Variants in XAF1 observed in about 807,000 individuals in gnomAD.
The protein encoded by XAF1 is XIAP-associated factor 1.
A neutral mutation model predicts 32.3 loss-of-function variants in XAF1; 32 were observed. The ratio of observed to expected loss-of-function variants is 0.99; its 90% confidence interval spans 0.75 to 1.33. The LOEUF is 1.33. Among genes scored for constraint, XAF1 ranks in the 40% most tolerant of loss-of-function variants. The pLI is 0.00. For missense variants in XAF1, 379 were observed against 366.0 expected (o/e 1.04, Z -0.29); for synonymous variants, 120 against 125.9 (o/e 0.95, Z 0.31).
In XAF1 at chr17:6,770,632, C is replaced by T. The variant is rs770017142; in HGVS notation, c.508-11C>T. 6.4e-6 allele frequency: 10 copies of T among 1,550,540 alleles called. No individual in the cohort carries two copies. The highest frequency in any genetic ancestry group is 8.7e-6 in the Non-Finnish European group (10 of 1,153,412). On this transcript the variant is annotated splice_polypyrimidine_tract_variant and intron_variant, in intron 5 of 6. Coordinates refer to ENST00000361842, the MANE Select transcript of XAF1 (RefSeq NM_017523.5). ...TCATTTTAAAATTTGATATATTATTCACAATTGCAGGGTAAATGTTGTCCA... is the reference window on the plus strand; with the variant it reads ...TCATTTTAAAATTTGATATATTATTTACAATTGCAGGGTAAATGTTGTCCA...
intron 5 of XAF1, among the ~76,000 whole-genome samples, chr17:6,763,519 A>T (rs937240533): frequency 6.6e-6 from 1 of 151,698 alleles, no homozygotes; most frequent in African/African-American, 2.4e-5. Context: ...TTTAGTAGAG[A>T]CGGGGTTTTA....
At chr17:6,759,539 G>T in intron 2 of XAF1, 123 bp from the exon 3 acceptor site, 1 of 1,540,656 alleles carries the variant, frequency 6.5e-7, no homozygotes. Context: ...TCGGATCCCT[G>T]CCCTCTGGGA....
chr17:6,765,558 C>T (rs1975554045), intron 5 of XAF1, among the ~76,000 whole-genome samples: 1 of 152,182 alleles, frequency 6.6e-6, no homozygotes, highest in African/African-American at 2.4e-5. Context: ...CACTTGAATG[C>T]TTGATAGACA....
chr17:6,762,959 C>T (rs564938736), intron 5 of XAF1, among the ~76,000 whole-genome samples: 1 of 152,342 alleles, frequency 6.6e-6, no homozygotes, highest in South Asian at 2.1e-4. Flanking sequence ...TCCAGCTTTT[C>T]GCTCTTTTCT....
chr17:6,766,108 C>T (rs1409886893), intron 5 of XAF1, among the ~76,000 whole-genome samples: 2 of 152,172 alleles, frequency 1.3e-5, no homozygotes, highest in South Asian at 2.1e-4. Context: ...CAGGAGCTAA[C>T]TCTCTCACTT....
chr17:6,761,128 T>G (rs1424755267), intron 4 of XAF1, among the ~76,000 whole-genome samples: 1 of 151,444 alleles, frequency 6.6e-6, no homozygotes, highest in Admixed American at 6.6e-5. Context: ...CACTCCAGCC[T>G]GGGCAACAAG....
rs771024839 is a variant in XAF1 at position 6,770,719 on chromosome 17, C to A, written c.584C>A (p.Pro195Gln). The A allele has an allele frequency of 3.7e-6, 6 of 1,613,680 alleles. No homozygotes were observed. In the Admixed American group the frequency reaches 1.0e-4, roughly 27 times the overall value. Reference sequence around the variant, plus strand: ...CCAGAAATTCTTCCTTCATCTCTTCCAAGTCAAGCTGCTGAAAATCAAACT... The same window carrying A: ...CCAGAAATTCTTCCTTCATCTCTTCAAAGTCAAGCTGCTGAAAATCAAACT... ...GNPEILPSSL[P>Q]SQAAENQTST... Residue 195 changes from proline to glutamine, a missense_variant, in exon 6 of 7, where the codon CCA (proline) becomes CAA (glutamine). By Grantham distance (76) the Pro-to-Gln change is moderately conservative. Coordinates refer to ENST00000361842, the MANE Select transcript of XAF1 (RefSeq NM_017523.5).
At chr17:6,759,454 T>C (rs1202855355) in intron 2 of XAF1, 1 of 1,420,566 alleles carries the variant, frequency 7.0e-7, no homozygotes, top group East Asian at 2.5e-5. Context: ...AGGCAGCCGT[T>C]GCCAACTCAG....
At chr17:6,759,755 T>A (rs1373127115) in intron 3 of XAF1, 37 bp downstream of exon 3, 1 of 1,613,706 alleles carries the variant, frequency 6.2e-7, no homozygotes, top group African/African-American at 1.3e-5. Flanking sequence ...TACAGCCAAA[T>A]AGACCAACCT....
chr17:6,770,749 C>A lies in XAF1; in HGVS notation c.614C>A (p.Thr205Lys). The A allele has an allele frequency of 1.2e-6, 2 of 1,614,002 alleles. No homozygotes were observed. Among genetic ancestry groups the A allele is most frequent in the Non-Finnish European group, 1.7e-6 (2 of 1,179,988 alleles). ...PSQAAENQTS[T>K]MEKDVRPKTR... The stretch of plus-strand genomic sequence containing the variant: ...CAAGCTGCTGAAAATCAAACTTCCA[C>A]GATGGAGAAAGATGTTCGTCCAAAG... Residue 205 changes from threonine to lysine, a missense_variant, in exon 6 of 7, where the codon ACG becomes AAG. Thr to Lys is a moderately conservative substitution (Grantham distance 78). Transcript: ENST00000361842.
Position 6,770,821 on chromosome 17 carries a change from A to C in XAF1, c.686A>C (p.Lys229Thr). 1 of 1,613,702 alleles carries C rather than the reference A, an allele frequency of 6.2e-7. No individual in the cohort carries two copies. The highest frequency in any genetic ancestry group is 1.7e-5 in the Admixed American group (1 of 59,908). ...RFPLHSESSSKKAPRSKNKTL... is the reference protein window; with the variant it reads ...RFPLHSESSSTKAPRSKNKTL... ...CCTCTTCATTCTGAAAGTTCATCAAAGAAAGCACCAAGAAGCAAAAACAAA... is the reference window on the plus strand; with the variant it reads ...CCTCTTCATTCTGAAAGTTCATCAACGAAAGCACCAAGAAGCAAAAACAAA... Residue 229 changes from lysine (K) to threonine (T), a missense_variant, in exon 6 of 7, where the codon AAG (lysine) becomes ACG (threonine). Lys to Thr is a moderately conservative substitution (Grantham distance 78). Coordinates refer to ENST00000361842, the MANE Select transcript of XAF1 (RefSeq NM_017523.5).
At chr17:6,771,005 G>A (rs761269462) in intron 6 of XAF1, 21 bp downstream of exon 6, 1 of 1,611,828 alleles carries the variant, frequency 6.2e-7, no homozygotes, top group Non-Finnish European at 8.5e-7. Flanking sequence ...TCTGTTCTCT[G>A]CTTACCTTTC....
intron 5 of XAF1, among the ~76,000 whole-genome samples, chr17:6,770,387 T>C (rs145295479): frequency 6.6e-6 from 1 of 152,310 alleles, no homozygotes; most frequent in Non-Finnish European, 1.5e-5. Flanking sequence ...CACCTCTTAA[T>C]ACCATCACAT....
At chr17:6,765,819 G>T (rs1388927031) in intron 5 of XAF1, among the ~76,000 whole-genome samples, 1 of 152,132 alleles carries the variant, frequency 6.6e-6, no homozygotes, top group East Asian at 1.9e-4. Context: ...AGAGGTCAAC[G>T]TGATCCCTTA....
At chr17:6,769,652 G>A (rs1975873132) in intron 5 of XAF1, among the ~76,000 whole-genome samples, 1 of 152,020 alleles carries the variant, frequency 6.6e-6, no homozygotes, top group Non-Finnish European at 1.5e-5. Context: ...CTATCTGGTG[G>A]GACTCTACCT....
At chr17:6,771,076 T>C in intron 6 of XAF1, 92 bp downstream of exon 6, 4 of 1,453,434 alleles carry the variant, frequency 2.8e-6, no homozygotes, top group Non-Finnish European at 3.7e-6. Flanking sequence ...TCACAAATGT[T>C]GTGGCTGAAA....
chr17:6,755,516 G>A, upstream of XAF1: 2 of 990,178 alleles, frequency 2.0e-6, no homozygotes, highest in Non-Finnish European at 2.4e-6. Flanking sequence ...AGGACCCCCA[G>A]GAGGATACAC....
At chr17:6,755,747 C>T (rs761601684), upstream of XAF1, 1 of 1,138,740 alleles carries the variant, frequency 8.8e-7, no homozygotes, top group Non-Finnish European at 1.1e-6. Context: ...GATGGAGACC[C>T]AGACGGAGAG....
Position 6,775,040 on chromosome 17 carries a change from T to TA in XAF1, c.*1885dup, listed in dbSNP as rs57323394. 9.0e-3 allele frequency: 1,240 copies of TA among 137,122 alleles called. 10 individuals are homozygous for TA. The highest frequency in any genetic ancestry group is 0.017 in the African/African-American group (665 of 38,022). The allele number at this position is 137,122 out of a possible 1,614,324, so 8.5% of individuals were successfully genotyped here. ...TGGGCAACCAAGCGAGACTCTGCCTTAAAAAAAAAAAAAAGAAAATGTGGC... is the reference window on the plus strand; with the variant it reads ...TGGGCAACCAAGCGAGACTCTGCCTTAAAAAAAAAAAAAAAGAAAATGTGGC... On this transcript the variant is annotated 3_prime_UTR_variant, in exon 7 of 7. Coordinates refer to ENST00000361842, the MANE Select transcript of XAF1 (RefSeq NM_017523.5).
Sources: allele counts gnomAD v4.1 joint callset (sites outside exome capture counted in the v4.1 genomes callset), GRCh38; gene constraint gnomAD v4.1.1; transcripts MANE v1.5; gene names NCBI Gene and HGNC (gene_info 2026-07-23, HGNC 2026-07-21).